DPYD: variants seen among roughly 807,000 people sequenced by gnomAD.
The protein encoded by DPYD is dihydropyrimidine dehydrogenase, also known as dihydropyrimidine dehydrogenase [NADP(+)].
In DPYD, 109 loss-of-function variants were observed where a neutral mutation model predicts 116.2. The ratio of observed to expected loss-of-function variants is 0.94; its 90% confidence interval spans 0.80 to 1.10. The LOEUF (loss-of-function observed/expected upper bound fraction) is 1.10, where lower values mean the gene tolerates loss of function less well. Among genes scored for constraint, DPYD ranks in the 50% least tolerant of loss-of-function variants. The probability of loss-of-function intolerance (pLI) is 0.00; values close to 1 mark genes in which losing one functional copy is unlikely to be tolerated. For missense variants in DPYD, 1,302 were observed against 1,254.5 expected, an observed-to-expected ratio of 1.04 and a Z score of -0.57; for synonymous variants, 440 against 432.0, an observed-to-expected ratio of 1.02 and a Z score of -0.23.
At chr1:97,735,114 G>A (rs1288628266) in intron 4 of DPYD, among the ~76,000 whole-genome samples, 1 of 152,148 alleles carries the variant, frequency 6.6e-6, no homozygotes, top group East Asian at 1.9e-4. Context: ...GGTCCCAGAG[G>A]ACTGGCGGTA....
intron 12 of DPYD, among the ~76,000 whole-genome samples, chr1:97,541,330 G>T (rs1287069837): frequency 6.6e-6 from 1 of 152,184 alleles, no homozygotes; most frequent in African/African-American, 2.4e-5. Flanking sequence ...GTTCTTGAAG[G>T]ATATGATAAA....
At chr1:97,340,072 C>T (rs922833375) in intron 16 of DPYD, among the ~76,000 whole-genome samples, 3 of 151,652 alleles carry the variant, frequency 2.0e-5, no homozygotes, top group Admixed American at 6.6e-5. Context: ...AATGCAATTT[C>T]CAAATTAAGA....
chr1:97,257,514 A>G (rs1266923098), intron 18 of DPYD, among the ~76,000 whole-genome samples: 2 of 150,410 alleles, frequency 1.3e-5, no homozygotes, highest in Non-Finnish European at 3.0e-5. Context: ...CCATATCTCT[A>G]TATAGTGTGC....
At chr1:97,906,065 T>C (rs1425507846) in intron 1 of DPYD, among the ~76,000 whole-genome samples, 2 of 152,010 alleles carry the variant, frequency 1.3e-5, no homozygotes, top group Non-Finnish European at 2.9e-5. Context: ...TGATCCCTAT[T>C]AATTCTAACT....
intron 2 of DPYD, among the ~76,000 whole-genome samples, chr1:97,851,232 T>G (rs1470859885): frequency 1.7e-5 from 2 of 117,296 alleles, no homozygotes; most frequent in African/African-American, 6.2e-5. Context: ...GAACATAAAT[T>G]ATCATTGTCT....
chr1:97,471,027 G>C (rs1310176059), intron 13 of DPYD, among the ~76,000 whole-genome samples: 2 of 152,086 alleles, frequency 1.3e-5, no homozygotes, highest in Non-Finnish European at 2.9e-5. Context: ...TATCCACACT[G>C]CTTGATCTGG....
chr1:97,341,767 C>T (rs1012933205), intron 16 of DPYD, among the ~76,000 whole-genome samples: 5 of 152,142 alleles, frequency 3.3e-5, no homozygotes, highest in East Asian at 1.9e-4. Flanking sequence ...GTGTTCTAGT[C>T]ATGCTAACAG....
rs1259183745 is a variant in DPYD, at chr1:97,699,667, T to C, written c.484-120A>G. ...AGCAATGAGCAGTACATTTTCAGTA[T>C]TAATATGGTATACTTACAACTTTTA... On this transcript the variant is annotated intron_variant, in intron 5 of 22. Transcript: ENST00000370192. 6.2e-6 allele frequency: 6 copies of C among 963,242 alleles called. No homozygotes were observed. The East Asian group carries it at 1.5e-4, about 23-fold the overall frequency. The allele number at this position is 963,242 out of a possible 1,614,324, so 59.7% of individuals were successfully genotyped here.
chr1:97,623,538 G>A (rs1656749270), intron 8 of DPYD, among the ~76,000 whole-genome samples: 1 of 151,904 alleles, frequency 6.6e-6, no homozygotes, highest in Non-Finnish European at 1.5e-5. Context: ...ATAATATAAT[G>A]AAAATAACTA....
chr1:97,214,284 C>G (rs1402134870), intron 19 of DPYD, among the ~76,000 whole-genome samples: 3 of 152,106 alleles, frequency 2.0e-5, no homozygotes, highest in African/African-American at 2.4e-5. Context: ...TTTTCACTCA[C>G]CTGTGTACCA....
At chr1:97,861,508 T>C (rs945465282) in intron 2 of DPYD, among the ~76,000 whole-genome samples, 1 of 151,878 alleles carries the variant, frequency 6.6e-6, no homozygotes, top group Non-Finnish European at 1.5e-5. Flanking sequence ...AGGGAAGATA[T>C]TTGCAACACA....
intron 13 of DPYD, among the ~76,000 whole-genome samples, chr1:97,510,627 T>C (rs956011184): frequency 7.9e-5 from 12 of 152,102 alleles, no homozygotes; most frequent in African/African-American, 2.9e-4. Context: ...AAGTTAGGAC[T>C]GTTTGCAAAG....
intron 2 of DPYD, among the ~76,000 whole-genome samples, chr1:97,837,116 GTTAC>G: frequency 6.6e-6 from 1 of 152,170 alleles, no homozygotes; most frequent in East Asian, 1.9e-4. Context: ...TTACTTGACA[GTTAC>G]TTACATGAAT....
In DPYD at chr1:97,694,549, T is replaced by C. The variant is rs576543723; in HGVS notation, c.681-2751A>G. ...CTTTTATGTTCACTTGGGTGTCTAA[T>C]GGGTAACTCATATTTATCATGCCTA... On this transcript the variant is annotated intron_variant, in intron 6 of 22. Coordinates refer to ENST00000370192, the MANE Select transcript of DPYD (RefSeq NM_000110.4). Among the ~76,000 whole-genome samples, 3 of 152,256 alleles carry C rather than the reference T, an allele frequency of 2.0e-5. No individual in the cohort carries two copies. In the South Asian group the frequency reaches 6.2e-4, roughly 32 times the overall value.
intron 14 of DPYD, among the ~76,000 whole-genome samples, chr1:97,414,373 C>A (rs1483574947): frequency 6.6e-6 from 1 of 152,158 alleles, no homozygotes; most frequent in Non-Finnish European, 1.5e-5. Context: ...CTGTGAAGCT[C>A]AGTAATATGG....
chr1:97,635,201 GAT>G (rs1657492614), intron 8 of DPYD, among the ~76,000 whole-genome samples: 1 of 151,998 alleles, frequency 6.6e-6, no homozygotes, highest in Admixed American at 6.6e-5. Flanking sequence ...TGTACCTTAG[GAT>G]AAGGAATTAT....
chr1:97,838,015 T>G (rs1450882321), intron 2 of DPYD, among the ~76,000 whole-genome samples: 1 of 152,136 alleles, frequency 6.6e-6, no homozygotes, highest in Non-Finnish European at 1.5e-5. Context: ...ACCCTCATTT[T>G]AGAAGATACA....
intron 6 of DPYD, 37 bp from the exon 7 acceptor site, chr1:97,691,835 G>T: frequency 6.5e-7 from 1 of 1,546,596 alleles, no homozygotes; most frequent in South Asian, 1.1e-5. Context: ...GGCATCAGTA[G>T]AAAAATGACC....
At chr1:97,547,246 T>C (rs1650965776) in intron 12 of DPYD, among the ~76,000 whole-genome samples, 1 of 152,042 alleles carries the variant, frequency 6.6e-6, no homozygotes, top group African/African-American at 2.4e-5. Context: ...GTGAAATTAC[T>C]CTGAAAATAA....
Sources: gnomAD v4.1 joint callset for allele counts (sites outside exome capture counted in the v4.1 genomes callset) on GRCh38, gnomAD v4.1.1 for gene constraint, MANE v1.5 for transcripts, NCBI Gene and HGNC (gene_info 2026-07-23, HGNC 2026-07-21) for gene names.